The following FGF14 variants were observed in gnomAD, a reference collection of about 807,000 sequenced individuals.
FGF14 encodes fibroblast growth factor 14, also known as fibroblast growth factor homologous factor 4.
FGF14 carries 5 observed loss-of-function variants against 25.5 expected under a neutral mutation model. The observed-to-expected ratio is 0.20, with a 90% CI of 0.10 to 0.41. The LOEUF (loss-of-function observed/expected upper bound fraction) is 0.41, where lower values mean the gene tolerates loss of function less well. FGF14 is among the 10% of genes least tolerant of loss of function. FGF14 has a pLI of 1.00. For missense variants in FGF14, 222 were observed against 320.1 expected, an observed-to-expected ratio of 0.69 and a Z score of 2.34; for synonymous variants, 138 against 118.3, an observed-to-expected ratio of 1.17 and a Z score of -1.08.
intron 1 of FGF14, among the ~76,000 whole-genome samples, chr13:101,884,457 G>C (rs1473388938): frequency 6.6e-6 from 1 of 152,138 alleles, no homozygotes; most frequent in Non-Finnish European, 1.5e-5. Context: ...TAAGTAGAGT[G>C]ACACCAAGAT....
intron 1 of FGF14, among the ~76,000 whole-genome samples, chr13:102,036,936 A>T (rs2041504762): frequency 6.6e-6 from 1 of 152,190 alleles, no homozygotes; most frequent in Non-Finnish European, 1.5e-5. Flanking sequence ...CCTGCTTGGC[A>T]ATCACAAATC....
At chr13:101,923,836 A>C (rs1161215111) in intron 1 of FGF14, among the ~76,000 whole-genome samples, 1 of 152,112 alleles carries the variant, frequency 6.6e-6, no homozygotes, top group Non-Finnish European at 1.5e-5. Context: ...TATTGATACT[A>C]AAAACTTGTG....
intron 1 of FGF14, among the ~76,000 whole-genome samples, chr13:101,885,142 T>C (rs1473387525): frequency 6.6e-6 from 1 of 152,098 alleles, no homozygotes; most frequent in Admixed American, 6.6e-5. Flanking sequence ...AGATGTGGAG[T>C]TGCACGCAGT....
chr13:101,940,849 A>G lies in FGF14; in HGVS notation c.209-65553T>C, dbSNP rs369701207. ...GCACAGTAAAATTCAACAAATATTG[A>G]AAGAATTTTTTAAAAAATATTTTTC... On this transcript the variant is annotated intron_variant, in intron 1 of 4. Coordinates refer to the FGF14 transcript ENST00000376131. Among the ~76,000 whole-genome samples the G allele has an allele frequency of 8.2e-4, 125 of 152,332 alleles. No individual in the cohort carries two copies. In the Middle Eastern group the frequency reaches 0.014, roughly 17 times the overall value.
At chr13:102,137,303 T>C (rs576111647) in intron 1 of FGF14, among the ~76,000 whole-genome samples, 5 of 152,372 alleles carry the variant, frequency 3.3e-5, no homozygotes, top group East Asian at 3.9e-4. Context: ...ATAGTGTTTA[T>C]TGACTTTGCA....
At chr13:102,027,979 G>A (rs1036532686) in intron 1 of FGF14, among the ~76,000 whole-genome samples, 1 of 151,866 alleles carries the variant, frequency 6.6e-6, no homozygotes, top group Non-Finnish European at 1.5e-5. Flanking sequence ...ACCCTTTATT[G>A]GCAGAGTGTG....
At chr13:102,022,532 T>C (rs2040712891) in intron 1 of FGF14, among the ~76,000 whole-genome samples, 1 of 152,066 alleles carries the variant, frequency 6.6e-6, no homozygotes, top group African/African-American at 2.4e-5. Context: ...TCTTGCTGAA[T>C]TGGTATGAAG....
At chr13:101,837,316 A>T (rs907203686) in intron 3 of FGF14, among the ~76,000 whole-genome samples, 1 of 152,064 alleles carries the variant, frequency 6.6e-6, no homozygotes, top group African/African-American at 2.4e-5. Flanking sequence ...AACTAAAAAA[A>T]TGTAGGTGTA....
At chr13:101,744,819 G>A (rs1389090345) in intron 3 of FGF14, among the ~76,000 whole-genome samples, 7 of 151,898 alleles carry the variant, frequency 4.6e-5, no homozygotes, top group African/African-American at 1.2e-4. Context: ...ATGTTCATTC[G>A]GTTAGCATTT....
At chr13:101,876,990 T>C (rs2045435427) in intron 1 of FGF14, among the ~76,000 whole-genome samples, 1 of 152,128 alleles carries the variant, frequency 6.6e-6, no homozygotes, top group Admixed American at 6.6e-5. Flanking sequence ...TATTATTCTC[T>C]TGTCAAGAAA....
At chr13:102,097,457 A>G (rs1479796304) in intron 1 of FGF14, among the ~76,000 whole-genome samples, 1 of 152,224 alleles carries the variant, frequency 6.6e-6, no homozygotes, top group East Asian at 1.9e-4. Context: ...ACTTGATCAC[A>G]GTAACAAATC....
chr13:102,262,653 A>G (rs371500049), intron 1 of FGF14, among the ~76,000 whole-genome samples: 161 of 152,318 alleles, frequency 1.1e-3, no homozygotes, highest in African/African-American at 3.7e-3. Flanking sequence ...GCCAAAATTT[A>G]GCACCCACTA....
Position 102,349,136 on chromosome 13 carries a change from C to T in FGF14, c.208+52335G>A, listed in dbSNP as rs139376704. 2.8e-3 allele frequency among the ~76,000 whole-genome samples: 424 copies of T among 152,246 alleles called. 3 individuals are homozygous for T. Among genetic ancestry groups the T allele is most frequent in the Non-Finnish European group, 4.8e-3 (329 of 68,028 alleles). On this transcript the variant is annotated intron_variant, in intron 1 of 4. Transcript: ENST00000376131. The stretch of plus-strand genomic sequence containing the variant: ...CATTCGGCAATTCACAGGAAAGCTC[C>T]CCACAACAAAGAATTCTCCAGACCA...
chr13:102,063,883 A>G (rs1253499884), intron 1 of FGF14, among the ~76,000 whole-genome samples: 1 of 152,226 alleles, frequency 6.6e-6, no homozygotes, highest in Middle Eastern at 3.2e-3. Context: ...TGAAGCTGAC[A>G]TGTCATGCGA....
intron 3 of FGF14, among the ~76,000 whole-genome samples, chr13:101,727,694 AT>A (rs2035534218): frequency 6.6e-6 from 1 of 152,162 alleles, no homozygotes; most frequent in Admixed American, 6.6e-5. Flanking sequence ...TAAATAAAAA[AT>A]TAATAAGGGT....
intron 1 of FGF14, among the ~76,000 whole-genome samples, chr13:101,916,217 G>A (rs571026813): frequency 3.9e-5 from 6 of 152,368 alleles, no homozygotes; most frequent in African/African-American, 1.4e-4. Context: ...CGGAGGGCAG[G>A]AGCCGCCGGC....
intron 1 of FGF14, among the ~76,000 whole-genome samples, chr13:102,333,764 G>C (rs72647482): frequency 6.6e-6 from 1 of 151,962 alleles, no homozygotes; most frequent in African/African-American, 2.4e-5. Flanking sequence ...TTTGATCCAG[G>C]ACAAAGAAAA....
At chr13:102,097,941 G>A (rs1242933476) in intron 1 of FGF14, among the ~76,000 whole-genome samples, 3 of 152,270 alleles carry the variant, frequency 2.0e-5, no homozygotes, top group South Asian at 2.1e-4. Flanking sequence ...CAGTCAACCC[G>A]AGAAAAACTG....
chr13:102,382,966 T>C (rs1359632526), intron 1 of FGF14, among the ~76,000 whole-genome samples: 2 of 152,118 alleles, frequency 1.3e-5, no homozygotes, highest in African/African-American at 4.8e-5. Context: ...AGAGAGTTAC[T>C]GCTAATAGGT....
Sources: gnomAD v4.1 joint callset for allele counts (sites outside exome capture counted in the v4.1 genomes callset) on GRCh38, gnomAD v4.1.1 for gene constraint, MANE v1.5 for transcripts, NCBI Gene and HGNC (gene_info 2026-07-23, HGNC 2026-07-21) for gene names.